CDH22: variants seen among roughly 807,000 people sequenced by gnomAD.
CDH22 encodes cadherin-22.
A neutral mutation model predicts 58.4 loss-of-function variants in CDH22; 30 were observed. That is an observed-to-expected ratio of 0.51 (90% CI 0.38 to 0.70). CDH22 has a LOEUF of 0.70. Among genes scored for constraint, CDH22 ranks in the 30% least tolerant of loss-of-function variants. CDH22 has a pLI of 0.00. For synonymous variants in CDH22, 513 were observed against 558.2 expected (o/e 0.92, Z 1.14); for missense variants, 1,014 against 1,233.9 (o/e 0.82, Z 2.67).
chr20:46,234,117 C>G (rs1211136391), intron 3 of CDH22, among the ~76,000 whole-genome samples: 2 of 152,210 alleles, frequency 1.3e-5, no homozygotes, highest in East Asian at 3.8e-4. Flanking sequence ...TGTGCTCTCC[C>G]AGTTTTACTT....
intron 1 of CDH22, among the ~76,000 whole-genome samples, chr20:46,293,759 G>C (rs2086616330): frequency 6.6e-6 from 1 of 152,232 alleles, no homozygotes; most frequent in Non-Finnish European, 1.5e-5. Flanking sequence ...GCTCATGCCT[G>C]TAATCCCAGC....
At chr20:46,247,410 C>A (rs907298750) in intron 2 of CDH22, among the ~76,000 whole-genome samples, 2 of 152,104 alleles carry the variant, frequency 1.3e-5, no homozygotes, top group African/African-American at 4.8e-5. Context: ...AACCCAGGAT[C>A]AAAAACATTC....
At chr20:46,180,009 C>T (rs1225984094) in intron 10 of CDH22, among the ~76,000 whole-genome samples, 1 of 150,262 alleles carries the variant, frequency 6.7e-6, no homozygotes, top group Admixed American at 6.6e-5. Flanking sequence ...CCTTTCTCCG[C>T]TTCCCTGGGA....
chr20:46,229,616 C>T (rs2086204731), intron 3 of CDH22, among the ~76,000 whole-genome samples: 2 of 152,200 alleles, frequency 1.3e-5, no homozygotes, highest in African/African-American at 4.8e-5. Context: ...TCAATTTCCA[C>T]GTCCAGCACC....
rs1475593438 is a variant in CDH22, at chr20:46,186,580, A to C, written c.1663+8T>G. ...TCCCTTCTTGCATCCTAGGGTTTGG[A>C]GGCTCACCTTGGATGTCAAGCAGAG... On this transcript the variant is annotated splice_region_variant and intron_variant, in intron 10 of 11. Coordinates refer to ENST00000537909, the MANE Select transcript of CDH22 (RefSeq NM_021248.3). 2 of 1,589,096 alleles carry C rather than the reference A, an allele frequency of 1.3e-6. No homozygotes were observed. The highest frequency in any genetic ancestry group is 1.7e-6 in the Non-Finnish European group (2 of 1,159,732).
In CDH22 at chr20:46,308,091, G is replaced by A. The variant is rs2059032029; in HGVS notation, c.-400+164C>T. Reference sequence around the variant, plus strand: ...GCCCTCCCGGCCGAGAGGAGGGGGCGCGCAGGGCCGGGCGCAGGCACCCCG... The same window carrying A: ...GCCCTCCCGGCCGAGAGGAGGGGGCACGCAGGGCCGGGCGCAGGCACCCCG... On this transcript the variant is annotated intron_variant, in intron 1 of 11. Transcript: ENST00000537909. This position sits in a 1 kb window ranked among gnomAD's most constrained non-coding sequence, Gnocchi z 4.3. Among the ~76,000 whole-genome samples the A allele has an allele frequency of 6.6e-6, 1 of 151,340 alleles. No homozygotes were observed. The highest frequency in any genetic ancestry group is 1.5e-5 in the Non-Finnish European group (1 of 67,724).
At chr20:46,239,239 T>C (rs956469236) in intron 3 of CDH22, among the ~76,000 whole-genome samples, 4 of 152,220 alleles carry the variant, frequency 2.6e-5, no homozygotes, top group African/African-American at 9.7e-5. Flanking sequence ...TAAATATTTG[T>C]TGAATGAATG....
chr20:46,272,990 T>C (rs2086499970), intron 1 of CDH22, among the ~76,000 whole-genome samples: 1 of 152,190 alleles, frequency 6.6e-6, no homozygotes, highest in African/African-American at 2.4e-5. Flanking sequence ...AATTAAAGGT[T>C]TGAGGTTCCC....
chr20:46,191,418 C>T (rs369197741), intron 8 of CDH22, among the ~76,000 whole-genome samples: 2 of 151,956 alleles, frequency 1.3e-5, no homozygotes, highest in South Asian at 2.1e-4. Flanking sequence ...CCTGAGTGGG[C>T]GTGGGGATGG....
At chr20:46,194,361 C>T (rs1016035599) in intron 8 of CDH22, among the ~76,000 whole-genome samples, 1 of 152,216 alleles carries the variant, frequency 6.6e-6, no homozygotes, top group Admixed American at 6.5e-5. Context: ...CCACTGTGAC[C>T]TTCACTCCTC....
At chr20:46,294,648 C>T (rs898661028) in intron 1 of CDH22, among the ~76,000 whole-genome samples, 1 of 152,156 alleles carries the variant, frequency 6.6e-6, no homozygotes, top group African/African-American at 2.4e-5. Flanking sequence ...CCAACTGTGC[C>T]CCAGTTTGTA....
At chr20:46,268,892 T>C (rs2145755538) in intron 1 of CDH22, among the ~76,000 whole-genome samples, 1 of 152,316 alleles carries the variant, frequency 6.6e-6, no homozygotes, top group Admixed American at 6.5e-5. Flanking sequence ...ACTCTGGGGC[T>C]GAGGTGTTTA....
chr20:46,181,654 CCTTT>C (rs1445869505), intron 10 of CDH22, among the ~76,000 whole-genome samples: 5 of 143,856 alleles, frequency 3.5e-5, no homozygotes, highest in Non-Finnish European at 6.1e-5. Flanking sequence ...CTCCCTCCCT[CCTTT>C]CTCTCTTTTC....
At chr20:46,274,567 C>A (rs2086508221) in intron 1 of CDH22, among the ~76,000 whole-genome samples, 1 of 152,204 alleles carries the variant, frequency 6.6e-6, no homozygotes, top group Non-Finnish European at 1.5e-5. Flanking sequence ...CCAGCAGTTT[C>A]ATTCCTAGGT....
intron 5 of CDH22, 44 bp from the exon 6 acceptor site, chr20:46,213,232 C>T (rs977173349): frequency 1.3e-6 from 2 of 1,549,514 alleles, no homozygotes; most frequent in Non-Finnish European, 1.8e-6. Flanking sequence ...GCAGCCCCTT[C>T]CCCAGCCTCT....
intron 7 of CDH22, among the ~76,000 whole-genome samples, chr20:46,208,424 T>G (rs1029374722): frequency 6.6e-6 from 1 of 152,208 alleles, no homozygotes; most frequent in Non-Finnish European, 1.5e-5. Context: ...CTCTCCAAGG[T>G]GCCCTTCTGT....
intron 8 of CDH22, among the ~76,000 whole-genome samples, chr20:46,198,194 C>CCTCACCT (rs2085922670): frequency 2.0e-5 from 3 of 151,786 alleles, no homozygotes; most frequent in Non-Finnish European, 4.4e-5. Flanking sequence ...GCTCTCAGCT[C>CCTCACCT]CTCACCTCCA....
At position 46,278,545 on chromosome 20, in the gene CDH22, C is replaced by T. The variant is rs191839349; in HGVS notation, c.-399-26852G>A. Among the ~76,000 whole-genome samples, 118 of 152,266 alleles carry T rather than the reference C, an allele frequency of 7.7e-4. 1 individual carries two copies. Among genetic ancestry groups the T allele is most frequent in the African/African-American group, 2.7e-3 (114 of 41,568 alleles). On this transcript the variant is annotated intron_variant, in intron 1 of 11. Coordinates refer to ENST00000537909, the MANE Select transcript of CDH22 (RefSeq NM_021248.3). ...CACCTTTCATATCATCAGAAGGGAC[C>T]TGCCACTTGGAATTTTGTGGACTTT... is the stretch of plus-strand genomic sequence containing the variant.
At chr20:46,236,690 CAT>C (rs1158644696) in intron 3 of CDH22, among the ~76,000 whole-genome samples, 2 of 108,346 alleles carry the variant, frequency 1.8e-5, no homozygotes, top group African/African-American at 7.9e-5. Flanking sequence ...TCTATATATA[CAT>C]AGAGAGAGAG....
Sources: gnomAD v4.1 joint callset for allele counts (sites outside exome capture counted in the v4.1 genomes callset) on GRCh38, gnomAD v4.1.1 for gene constraint, Gnocchi (gnomAD v3.1) non-coding constraint, MANE v1.5 for transcripts, NCBI Gene and HGNC (gene_info 2026-07-23, HGNC 2026-07-21) for gene names.